The following CALN1 variants were observed in gnomAD, a reference collection of about 807,000 sequenced individuals.
The protein encoded by CALN1 is calcium-binding protein 8.
Under a neutral mutation model 30.6 loss-of-function variants are expected in CALN1, and 17 were observed. That is an observed-to-expected ratio of 0.56 (90% CI 0.38 to 0.83). The LOEUF is 0.83. Ranked by LOEUF, CALN1 falls within the 40% of genes least tolerant of loss-of-function variation. CALN1 has a pLI of 0.00. For missense variants in CALN1, 291 were observed against 354.9 expected, an observed-to-expected ratio of 0.82 and a Z score of 1.45; for synonymous variants, 156 against 131.4, an observed-to-expected ratio of 1.19 and a Z score of -1.28.
At chr7:72,163,407 A>C (rs1374760108) in intron 3 of CALN1, among the ~76,000 whole-genome samples, 5 of 151,254 alleles carry the variant, frequency 3.3e-5, no homozygotes, top group Admixed American at 6.6e-5. Flanking sequence ...AAAAAAAAAA[A>C]AAACAGAAAA....
chr7:72,062,515 A>G (rs2129537108), intron 4 of CALN1, among the ~76,000 whole-genome samples: 1 of 146,874 alleles, frequency 6.8e-6, no homozygotes, highest in African/African-American at 2.6e-5. Flanking sequence ...CTATCTCAAA[A>G]AAAAAAAAAA....
intron 3 of CALN1, among the ~76,000 whole-genome samples, chr7:72,131,392 G>A (rs552313865): frequency 2.6e-5 from 4 of 152,186 alleles, no homozygotes; most frequent in Non-Finnish European, 5.9e-5. Flanking sequence ...GCACTGAAAC[G>A]GTGCCTAATA....
chr7:71,823,648 G>A (rs185282443), intron 5 of CALN1, among the ~76,000 whole-genome samples: 28 of 152,122 alleles, frequency 1.8e-4, no homozygotes, highest in African/African-American at 6.5e-4. Context: ...AACCTGGGAG[G>A]TGGAAGTTGC....
the CALN1 span, among the ~76,000 whole-genome samples, chr7:72,490,089 G>A: frequency 6.6e-6 from 1 of 152,188 alleles, no homozygotes; most frequent in Admixed American, 6.5e-5. Context: ...AAATAAGTGG[G>A]AAGAAATAGA....
At chr7:72,158,142 G>A (rs906227907) in intron 3 of CALN1, among the ~76,000 whole-genome samples, 2 of 152,180 alleles carry the variant, frequency 1.3e-5, no homozygotes, top group Non-Finnish European at 2.9e-5. Context: ...GATGTGAGAG[G>A]CTCTGCTCTA....
At chr7:72,492,050 T>C in the CALN1 span, among the ~76,000 whole-genome samples, 1 of 152,264 alleles carries the variant, frequency 6.6e-6, no homozygotes, top group South Asian at 2.1e-4. Flanking sequence ...CCCAATCTCA[T>C]CTCTACCCTT....
At chr7:72,200,200 G>T (rs769906879) in intron 3 of CALN1, among the ~76,000 whole-genome samples, 1 of 152,038 alleles carries the variant, frequency 6.6e-6, no homozygotes, top group African/African-American at 2.4e-5. Context: ...ACACATTTTT[G>T]AGACAGCATG....
At chr7:72,357,011 G>A (rs1362442074) in intron 2 of CALN1, among the ~76,000 whole-genome samples, 2 of 151,874 alleles carry the variant, frequency 1.3e-5, no homozygotes, top group African/African-American at 4.9e-5. Flanking sequence ...AGACTTCCAG[G>A]AAACATGACG....
intron 4 of CALN1, among the ~76,000 whole-genome samples, chr7:72,055,258 G>A (rs1213356711): frequency 1.3e-5 from 2 of 152,160 alleles, no homozygotes; most frequent in African/African-American, 2.4e-5. Flanking sequence ...TGAGGCGGGG[G>A]TTCTGAATTT....
intron 5 of CALN1, among the ~76,000 whole-genome samples, chr7:71,845,191 TCTTA>T (rs1488307206): frequency 3.3e-5 from 5 of 152,204 alleles, no homozygotes; most frequent in Admixed American, 1.3e-4. Flanking sequence ...GCAGAATGTG[TCTTA>T]CTTGTTCAAT....
At chr7:72,289,080 A>T (rs1295489167) in intron 2 of CALN1, among the ~76,000 whole-genome samples, 2 of 152,228 alleles carry the variant, frequency 1.3e-5, no homozygotes, top group Non-Finnish European at 2.9e-5. Flanking sequence ...AACCTAGTAG[A>T]GAATTATAAA....
chr7:71,847,018 A>ATAT (rs1388683453), intron 5 of CALN1, among the ~76,000 whole-genome samples: 2 of 150,628 alleles, frequency 1.3e-5, no homozygotes, highest in African/African-American at 4.9e-5. Context: ...TATGTCATGG[A>ATAT]GGCTAATAAG....
chr7:71,898,055 T>C (rs1174040047), intron 5 of CALN1, among the ~76,000 whole-genome samples: 3 of 129,102 alleles, frequency 2.3e-5, no homozygotes, highest in African/African-American at 6.0e-5. Flanking sequence ...TGGCAATCAA[T>C]TGGAAACTAT....
At chr7:72,376,938 A>G (rs1274100707) in intron 2 of CALN1, among the ~76,000 whole-genome samples, 1 of 152,176 alleles carries the variant, frequency 6.6e-6, no homozygotes, top group East Asian at 1.9e-4. Context: ...ATTTGTTGAA[A>G]AGACTGTTCT....
chr7:71,919,769 C>A (rs185502244), intron 5 of CALN1, among the ~76,000 whole-genome samples: 27 of 152,194 alleles, frequency 1.8e-4, no homozygotes, highest in African/African-American at 5.5e-4. Flanking sequence ...CACACACACA[C>A]AAAAACCCTA....
chr7:72,474,768 C>G, the CALN1 span, among the ~76,000 whole-genome samples: 2 of 152,120 alleles, frequency 1.3e-5, no homozygotes, highest in Non-Finnish European at 2.9e-5. Context: ...ATATAAAGCC[C>G]TGTATGAGTT....
chr7:72,054,402 CAT>C (rs58996469), intron 4 of CALN1, among the ~76,000 whole-genome samples: 4,262 of 100,192 alleles, frequency 0.043, 417 homozygotes, highest in African/African-American at 0.13. Context: ...CATATATGTA[CAT>C]ATATATATAT....
chr7:72,289,698 A>G (rs928416504), intron 2 of CALN1, among the ~76,000 whole-genome samples: 2 of 152,184 alleles, frequency 1.3e-5, no homozygotes, highest in Non-Finnish European at 2.9e-5. Flanking sequence ...CACAAATAAT[A>G]GTAAAATGTA....
chr7:72,410,813 C>A (rs936959598), intron 1 of CALN1, among the ~76,000 whole-genome samples: 12 of 152,058 alleles, frequency 7.9e-5, no homozygotes, highest in Admixed American at 7.9e-4. Flanking sequence ...TACCTTCTTA[C>A]TTTCCAAGAA....
Sources: allele counts gnomAD v4.1 joint callset (sites outside exome capture counted in the v4.1 genomes callset), GRCh38; gene constraint gnomAD v4.1.1; transcripts MANE v1.5; gene names NCBI Gene and HGNC (gene_info 2026-07-23, HGNC 2026-07-21).